The following SVEP1 variants were observed in gnomAD, a reference collection of about 807,000 sequenced individuals.
SVEP1 encodes the protein sushi, von Willebrand factor type A, EGF and pentraxin domain containing 1.
Under a neutral mutation model 367.3 loss-of-function variants are expected in SVEP1, and 164 were observed. That is an observed-to-expected ratio of 0.45 (90% CI 0.39 to 0.51). SVEP1 has a LOEUF of 0.51. SVEP1 is among the 20% of genes least tolerant of loss of function. SVEP1 has a pLI of 0.00. For synonymous variants in SVEP1, 1,666 were observed against 1,611.6 expected (o/e 1.03, Z -0.81); for missense variants, 4,117 against 4,425.3 (o/e 0.93, Z 1.98).
chr9:110,569,866 T>G (rs909480110), intron 1 of SVEP1, among the ~76,000 whole-genome samples: 4 of 152,184 alleles, frequency 2.6e-5, no homozygotes, highest in South Asian at 2.1e-4. Flanking sequence ...GCTTCACCCT[T>G]TACAGAAATA....
At chr9:110,578,755 C>G (rs1168354191) in intron 1 of SVEP1, among the ~76,000 whole-genome samples, 1 of 152,186 alleles carries the variant, frequency 6.6e-6, no homozygotes, top group East Asian at 1.9e-4. Flanking sequence ...TTCAAGGATC[C>G]CTTCCTAACA....
intron 3 of SVEP1, among the ~76,000 whole-genome samples, chr9:110,541,560 T>A (rs979694582): frequency 6.6e-6 from 1 of 152,094 alleles, no homozygotes; most frequent in Non-Finnish European, 1.5e-5. Flanking sequence ...GAAGTAATTA[T>A]CTTAATGCTC....
chr9:110,368,048 G>A (rs1021770070), intron 47 of SVEP1, among the ~76,000 whole-genome samples: 1 of 152,152 alleles, frequency 6.6e-6, no homozygotes, highest in African/African-American at 2.4e-5. Context: ...CTGCATGCCA[G>A]CCTGGGCATC....
chr9:110,387,036 T>C (rs1459800224), intron 42 of SVEP1, among the ~76,000 whole-genome samples: 1 of 152,086 alleles, frequency 6.6e-6, no homozygotes, highest in South Asian at 2.1e-4. Flanking sequence ...TATGTCAAAA[T>C]TTTTTCATTA....
chr9:110,530,343 G>A (rs1830001299), intron 3 of SVEP1, among the ~76,000 whole-genome samples: 1 of 152,026 alleles, frequency 6.6e-6, no homozygotes, highest in African/African-American at 2.4e-5. Flanking sequence ...GGTATATCCT[G>A]GTCACTACAG....
chr9:110,489,174 G>T (rs1415795833), intron 9 of SVEP1, among the ~76,000 whole-genome samples: 1 of 152,198 alleles, frequency 6.6e-6, no homozygotes, highest in Non-Finnish European at 1.5e-5. Flanking sequence ...TTCAATGCCA[G>T]TTGGAAGAAT....
At chr9:110,486,739 C>T (rs1220637014) in intron 9 of SVEP1, among the ~76,000 whole-genome samples, 18 of 151,812 alleles carry the variant, frequency 1.2e-4, no homozygotes, top group African/African-American at 4.4e-4. Context: ...CCTCCGTCTC[C>T]CGGATTAAAG....
In SVEP1 at chr9:110,445,864, T is replaced by C; in HGVS notation, c.4436A>G (p.Asn1479Ser). The change falls in exon 26 of 48, where the codon AAT (asparagine) becomes AGT (serine). Residue 1479 changes from asparagine (N) to serine (S), a missense_variant. This residue lies in a region of SVEP1 where 2,174 missense variants were observed against 2,494.3 expected (regional missense o/e 0.87). Coordinates refer to ENST00000374469, the MANE Select transcript of SVEP1 (RefSeq NM_153366.4). ...GTTATAATCAGTCAGGAGCAAGGTA[T>C]TGTCGCTGCCGTTATCAACTGCATA... ...ISYAVDNGSD[N>S]TLLLTDYNGW... 6.2e-7 allele frequency: 1 copy of C among 1,613,902 alleles called. No individual in the cohort carries two copies. The highest frequency in any genetic ancestry group is 8.5e-7 in the Non-Finnish European group (1 of 1,179,814).
intron 6 of SVEP1, 37 bp from the exon 7 acceptor site, chr9:110,499,275 C>T (rs1829496189): frequency 1.9e-6 from 3 of 1,559,432 alleles, no homozygotes; most frequent in Non-Finnish European, 1.7e-6. Flanking sequence ...TATTTGTGTT[C>T]CCACAAATTG....
chr9:110,383,137 A>G (rs576457132), intron 43 of SVEP1, among the ~76,000 whole-genome samples: 10 of 151,554 alleles, frequency 6.6e-5, no homozygotes, highest in Non-Finnish European at 1.2e-4. Context: ...GAGAAGAGGA[A>G]CTCTGGCTTT....
At chr9:110,399,777 A>T (rs1827828076) in intron 40 of SVEP1, among the ~76,000 whole-genome samples, 1 of 151,852 alleles carries the variant, frequency 6.6e-6, no homozygotes, top group African/African-American at 2.4e-5. Flanking sequence ...CAAGTGATCC[A>T]CCCTCCTTGG....
At chr9:110,429,091 G>A in intron 35 of SVEP1, 52 bp downstream of exon 35, 8 of 1,371,338 alleles carry the variant, frequency 5.8e-6, no homozygotes, top group Non-Finnish European at 7.7e-6. Flanking sequence ...ATAAAATAGG[G>A]AGCGAGTAAC....
chr9:110,449,232 T>C (rs1828653586), intron 24 of SVEP1, among the ~76,000 whole-genome samples: 1 of 152,170 alleles, frequency 6.6e-6, no homozygotes, highest in Non-Finnish European at 1.5e-5. Context: ...CAGGGAGACA[T>C]AGTCTTTCTG....
Position 110,404,230 on chromosome 9 carries a change from CTTT to C in SVEP1, c.9666+94_9666+96del, listed in dbSNP as rs771561360. On this transcript the variant is annotated intron_variant, in intron 39 of 47. Coordinates refer to ENST00000374469, the MANE Select transcript of SVEP1 (RefSeq NM_153366.4). ...CTTTGAAATGAGTGAAAACTTCAGACTTTTTTTTCTTTTTGGGATTACTATTAT... is the reference window on the plus strand; with the variant it reads ...CTTTGAAATGAGTGAAAACTTCAGACTTTTTCTTTTTGGGATTACTATTAT... The C allele has an allele frequency of 9.9e-6, 12 of 1,213,746 alleles. No homozygotes were observed. In the Admixed American group the frequency reaches 2.7e-4, roughly 27 times the overall value. The allele number at this position is 1,213,746 out of a possible 1,614,324, so 75.2% of individuals were successfully genotyped here. A position where few individuals can be genotyped will look rare whatever the true frequency, so the allele number is the denominator to read the frequency against.
At chr9:110,374,479 G>C (rs550514645) in intron 46 of SVEP1, among the ~76,000 whole-genome samples, 23 of 152,232 alleles carry the variant, frequency 1.5e-4, no homozygotes, top group African/African-American at 3.4e-4. Flanking sequence ...GTGAAACTCT[G>C]TCTCTACTAA....
At chr9:110,571,038 G>A (rs1830557062) in intron 1 of SVEP1, among the ~76,000 whole-genome samples, 1 of 142,386 alleles carries the variant, frequency 7.0e-6, no homozygotes. Flanking sequence ...GTTCAATGAC[G>A]CGATCTCAAC....
At chr9:110,397,573 A>G (rs1270927667) in intron 40 of SVEP1, among the ~76,000 whole-genome samples, 1 of 152,218 alleles carries the variant, frequency 6.6e-6, no homozygotes, top group Non-Finnish European at 1.5e-5. Flanking sequence ...TGCAGATGAC[A>G]TGATTGTATA....
rs372125034 is a variant in SVEP1 at position 110,468,937 on chromosome 9, T to C, written c.3160+3A>G. On this transcript the variant is annotated splice_donor_region_variant and intron_variant, in intron 17 of 47. Transcript: ENST00000374469. ...CTAGTTGAAATGTCCAGTAAGCCTC[T>C]ACCTTTACAATCAGAGATGTTTCTT... The C allele has an allele frequency of 3.6e-5, 57 of 1,582,142 alleles. No individual in the cohort carries two copies. The highest frequency in any genetic ancestry group is 4.7e-5 in the Non-Finnish European group (55 of 1,161,522).
At chr9:110,404,810 A>C (rs1389245875) in intron 38 of SVEP1, among the ~76,000 whole-genome samples, 1 of 152,204 alleles carries the variant, frequency 6.6e-6, no homozygotes, top group Non-Finnish European at 1.5e-5. Context: ...GGACCACTTG[A>C]GTCCAGGAGC....
Sources: gnomAD v4.1 joint callset for allele counts (sites outside exome capture counted in the v4.1 genomes callset) on GRCh38, gnomAD v4.1.1 for gene constraint, gnomAD v4.1.1 regional missense constraint, MANE v1.5 for transcripts, NCBI Gene and HGNC (gene_info 2026-07-23, HGNC 2026-07-21) for gene names.